AP1M1: variants seen among roughly 807,000 people sequenced by gnomAD.
The protein encoded by AP1M1 is AP-1 complex subunit mu-1.
Under a neutral mutation model 57.1 loss-of-function variants are expected in AP1M1, and 18 were observed. That is an observed-to-expected ratio of 0.32 (90% CI 0.22 to 0.47). The LOEUF is 0.47. Among genes scored for constraint, AP1M1 ranks in the 20% least tolerant of loss-of-function variants. The probability of loss-of-function intolerance (pLI) is 1.00; values close to 1 mark genes in which losing one functional copy is unlikely to be tolerated. For missense variants in AP1M1, 362 were observed against 593.5 expected (o/e 0.61, Z 4.05); for synonymous variants, 241 against 237.9 (o/e 1.01, Z -0.12).
In AP1M1 at chr19:16,198,032, C is replaced by G. The variant is rs1347426115; in HGVS notation, c.6C>G (p.Ser2=). Residue 2 remains serine, a synonymous_variant, in exon 1 of 12, where the codon TCC becomes TCG. Transcript: ENST00000291439. ...CGAGGCCTCCTGCAGCCATCATGTCCGCCAGCGCCGTCTACGTGCTGGACC... is the reference window on the plus strand; with the variant it reads ...CGAGGCCTCCTGCAGCCATCATGTCGGCCAGCGCCGTCTACGTGCTGGACC... M[S]ASAVYVLDLK... The G allele has an allele frequency of 6.3e-7, 1 of 1,599,354 alleles. No homozygotes were observed.
Position 16,209,040 on chromosome 19 carries a change from CAGGA to C in AP1M1, c.413_416del (p.Glu138AlafsTer98), listed in dbSNP as rs1279188155. On this transcript the variant is annotated frameshift_variant, in exon 5 of 12. Transcript: ENST00000291439. LOFTEE classifies it high-confidence loss of function. ...CGTGTGGCCCCACAGGTACATCACTCAGGAAGGCCACAAGCTGGAAACAGGGGCC... is the reference window on the plus strand; with the variant it reads ...CGTGTGGCCCCACAGGTACATCACTCAGGCCACAAGCTGGAAACAGGGGCC... 6.2e-7 allele frequency: 1 copy of C among 1,613,882 alleles called. No homozygotes were observed. The highest frequency in any genetic ancestry group is 1.1e-5 in the South Asian group (1 of 91,056).
rs112531448 is a variant in AP1M1 at position 16,198,260 on chromosome 19, C to T, written c.42+192C>T. 2,242 of 436,718 alleles carry T rather than the reference C, an allele frequency of 5.1e-3. 41 individuals carry two copies. Among genetic ancestry groups the T allele is most frequent in the African/African-American group, 0.04 (1,915 of 48,190 alleles). The allele number at this position is 436,718 out of a possible 1,614,324, so 27.1% of individuals were successfully genotyped here. A position where few individuals can be genotyped will look rare whatever the true frequency, so the allele number is the denominator to read the frequency against. On this transcript the variant is annotated intron_variant, in intron 1 of 11. Coordinates refer to ENST00000291439, the MANE Select transcript of AP1M1 (RefSeq NM_032493.4). ...GGCGGGGGTCTTAAGTGGGTAATCC[C>T]CGCCCTGTTGCTACGTAACGCGGTG... is the stretch of plus-strand genomic sequence containing the variant.
At chr19:16,205,557 C>T (rs1358925865) in intron 2 of AP1M1, among the ~76,000 whole-genome samples, 1 of 152,156 alleles carries the variant, frequency 6.6e-6, no homozygotes, top group East Asian at 1.9e-4. Context: ...CCTCCTAGAG[C>T]TCACTCCTGG....
At position 16,208,119 on chromosome 19, in the gene AP1M1, C is replaced by G. The variant is rs2091477285; in HGVS notation, c.368C>G (p.Pro123Arg). Residue 123 changes from proline to arginine, a missense_variant, in exon 4 of 12, where the codon CCC becomes CGC. Transcript: ENST00000291439. ...GACGAGCTCATGGACTTCGGCTACC[C>G]CCAGACCACCGACAGCAAGATCCTG... is the stretch of plus-strand genomic sequence containing the variant. ...LLDELMDFGY[P>R]QTTDSKILQE... 6.2e-7 allele frequency: 1 copy of G among 1,613,674 alleles called. No individual in the cohort carries two copies. Among genetic ancestry groups the G allele is most frequent in the Non-Finnish European group, 8.5e-7 (1 of 1,179,796 alleles).
intron 5 of AP1M1, among the ~76,000 whole-genome samples, chr19:16,209,464 G>A (rs555160519): frequency 3.3e-5 from 5 of 152,214 alleles, no homozygotes; most frequent in East Asian, 1.9e-4. Context: ...CCGTGTAGCC[G>A]GGATTATAGG....
rs8108425 is a variant in AP1M1 at position 16,238,039 on chromosome 19, C to T, written c.*3604C>T. 83,464 of 151,892 alleles carry T rather than the reference C, an allele frequency of 0.55. 25,931 individuals are homozygous for T. The highest frequency in any genetic ancestry group is 0.71 in the Non-Finnish European group (48,322 of 67,952). 9.4% of individuals were successfully genotyped at this position (151,892 alleles called of 1,614,324 possible). A position where few individuals can be genotyped will look rare whatever the true frequency, so the allele number is the denominator to read the frequency against. ...ATTTTTTATAGAGATGGGGTCTCGT[C>T]ATTTTGTCCACACTGGTCTCCAACT... On this transcript the variant is annotated 3_prime_UTR_variant, in exon 12 of 12. Transcript: ENST00000291439.
rs140028131 is a variant in AP1M1 at position 16,212,646 on chromosome 19, A to G, written c.546+3469A>G. On this transcript the variant is annotated intron_variant, in intron 5 of 11. Transcript: ENST00000291439. ...ATTTCTTGTCTTCTGCTAGCTTTGG[A>G]GTTGGAGGCTTTTGCTTCGTGAGTT... 6.2e-4 allele frequency among the ~76,000 whole-genome samples: 95 copies of G among 152,036 alleles called. 2 individuals carry two copies. In the East Asian group the frequency reaches 0.018, roughly 29 times the overall value.
chr19:16,219,774 A>G (rs2091535442), intron 5 of AP1M1, among the ~76,000 whole-genome samples: 1 of 152,186 alleles, frequency 6.6e-6, no homozygotes, highest in South Asian at 2.1e-4. Context: ...ATGCTGAATA[A>G]ACTGCATTGT....
chr19:16,210,903 C>T (rs2091490649), intron 5 of AP1M1, among the ~76,000 whole-genome samples: 1 of 152,164 alleles, frequency 6.6e-6, no homozygotes, highest in African/African-American at 2.4e-5. Flanking sequence ...CATTGCTTTA[C>T]ATGTTTCTTT....
At chr19:16,211,259 A>T (rs1038288061) in intron 5 of AP1M1, among the ~76,000 whole-genome samples, 1 of 151,732 alleles carries the variant, frequency 6.6e-6, no homozygotes, top group African/African-American at 2.4e-5. Flanking sequence ...ATGCCCGGCT[A>T]ATTTTTGTAT....
At position 16,203,399 on chromosome 19, in the gene AP1M1, A is replaced by G. The variant is rs1471088524; in HGVS notation, c.43-60A>G. The stretch of plus-strand genomic sequence containing the variant: ...GGTGGTGCATCTCACCCCCTGCCCC[A>G]AGCCCCCAGATTGTAGAACTGAAAA... On this transcript the variant is annotated intron_variant, in intron 1 of 11. Coordinates refer to ENST00000291439, the MANE Select transcript of AP1M1 (RefSeq NM_032493.4). The surrounding 1 kb of genome is among the most constrained non-coding windows in gnomAD (Gnocchi z 4.6). 1.0e-5 allele frequency: 16 copies of G among 1,594,004 alleles called. No homozygotes were observed. Among genetic ancestry groups the G allele is most frequent in the Non-Finnish European group, 1.4e-5 (16 of 1,163,260 alleles).
intron 5 of AP1M1, among the ~76,000 whole-genome samples, chr19:16,222,465 A>G (rs1256521740): frequency 6.6e-6 from 1 of 151,744 alleles, no homozygotes; most frequent in Non-Finnish European, 1.5e-5. Context: ...TTCCCACCTC[A>G]GCCTCCCAAA....
At chr19:16,231,713 G>T (rs1223227215) in intron 9 of AP1M1, among the ~76,000 whole-genome samples, 2 of 152,178 alleles carry the variant, frequency 1.3e-5, no homozygotes, top group Non-Finnish European at 2.9e-5. Context: ...CACCATGCCT[G>T]GCCTATTGTG....
intron 5 of AP1M1, among the ~76,000 whole-genome samples, chr19:16,224,861 C>T (rs2091564283): frequency 6.6e-6 from 1 of 152,124 alleles, no homozygotes; most frequent in South Asian, 2.1e-4. Context: ...GTGAGGGTCC[C>T]GAGCTCCTGA....
At chr19:16,213,744 C>T (rs770306940) in intron 5 of AP1M1, among the ~76,000 whole-genome samples, 6 of 152,274 alleles carry the variant, frequency 3.9e-5, no homozygotes, top group South Asian at 2.1e-4. Context: ...CCACTCGCCT[C>T]GGCCTCCCAA....
At position 16,240,063 on chromosome 19, in the gene AP1M1, A is replaced by G. The variant is rs763572511; in HGVS notation, c.*5628A>G. 1 of 152,238 alleles carries G rather than the reference A, an allele frequency of 6.6e-6. No homozygotes were observed. Among genetic ancestry groups the G allele is most frequent in the Non-Finnish European group, 1.5e-5 (1 of 68,056 alleles). The allele number at this position is 152,238 out of a possible 1,614,324, so 9.4% of individuals were successfully genotyped here. A position where few individuals can be genotyped will look rare whatever the true frequency, so the allele number is the denominator to read the frequency against. ...ATTGTCATTATTCCTTAAATAATAC[A>G]GTATAATGATTATGTAGCATCTACA... On this transcript the variant is annotated 3_prime_UTR_variant, in exon 12 of 12. Coordinates refer to ENST00000291439, the MANE Select transcript of AP1M1 (RefSeq NM_032493.4).
chr19:16,206,262 G>A lies in AP1M1; in HGVS notation c.200-79G>A. On this transcript the variant is annotated intron_variant, in intron 2 of 11. Coordinates refer to ENST00000291439, the MANE Select transcript of AP1M1 (RefSeq NM_032493.4). This position sits in a 1 kb window ranked among gnomAD's most constrained non-coding sequence, Gnocchi z 4.3. ...AAGGCTCTGAGGGTTGTGAGGGTTA[G>A]GGGGTCCCTCCATGAACCAGGATCT... is the stretch of plus-strand genomic sequence containing the variant. 1 of 1,460,230 alleles carries A rather than the reference G, an allele frequency of 6.8e-7. No individual in the cohort carries two copies. The highest frequency in any genetic ancestry group is 1.7e-5 in the Admixed American group (1 of 59,238). The allele number at this position is 1,460,230 out of a possible 1,614,324, so 90.5% of individuals were successfully genotyped here.
Position 16,238,406 on chromosome 19 carries a change from A to C in AP1M1, c.*3971A>C, listed in dbSNP as rs1005543559. 6.6e-6 allele frequency: 1 copy of C among 152,260 alleles called. No individual in the cohort carries two copies. The highest frequency in any genetic ancestry group is 1.5e-5 in the Non-Finnish European group (1 of 68,042). 9.4% of individuals were successfully genotyped at this position (152,260 alleles called of 1,614,324 possible). On this transcript the variant is annotated 3_prime_UTR_variant, in exon 12 of 12. Transcript: ENST00000291439. ...GTAGTCCATTCATGCAAGAGATTAC[A>C]GCAGTGAAAATGAATTCAACTAGAG... is the stretch of plus-strand genomic sequence containing the variant.
chr19:16,203,375 G>C lies in AP1M1; in HGVS notation c.43-84G>C. The C allele has an allele frequency of 7.0e-7, 1 of 1,436,402 alleles. No individual in the cohort carries two copies. Among genetic ancestry groups the C allele is most frequent in the Non-Finnish European group, 9.8e-7 (1 of 1,024,596 alleles). The allele number at this position is 1,436,402 out of a possible 1,614,324, so 89.0% of individuals were successfully genotyped here. On this transcript the variant is annotated intron_variant, in intron 1 of 11. Coordinates refer to ENST00000291439, the MANE Select transcript of AP1M1 (RefSeq NM_032493.4). This position sits in a 1 kb window ranked among gnomAD's most constrained non-coding sequence, Gnocchi z 4.6. Reference sequence around the variant, plus strand: ...ACCGGAGTCCCCAGAGCGAAGCAGGGTGGTGCATCTCACCCCCTGCCCCAA... The same window carrying C: ...ACCGGAGTCCCCAGAGCGAAGCAGGCTGGTGCATCTCACCCCCTGCCCCAA...
Sources: allele counts gnomAD v4.1 joint callset (sites outside exome capture counted in the v4.1 genomes callset), GRCh38; gene constraint gnomAD v4.1.1; non-coding constraint Gnocchi (gnomAD v3.1); transcripts MANE v1.5; gene names NCBI Gene and HGNC (gene_info 2026-07-23, HGNC 2026-07-21).